The following KLHL32 variants were observed in gnomAD, a reference collection of about 807,000 sequenced individuals.
KLHL32 encodes kelch-like protein 32.
Under a neutral mutation model 64.8 loss-of-function variants are expected in KLHL32, and 35 were observed. The ratio of observed to expected loss-of-function variants is 0.54; its 90% CI spans 0.41 to 0.72. The LOEUF (loss-of-function observed/expected upper bound fraction) is 0.72, where lower values mean the gene tolerates loss of function less well. KLHL32 is among the 30% of genes least tolerant of loss of function. KLHL32 has a pLI of 0.00. For synonymous variants in KLHL32, 259 were observed against 281.0 expected (o/e 0.92, Z 0.78); for missense variants, 589 against 768.5 (o/e 0.77, Z 2.76).
intron 6 of KLHL32, among the ~76,000 whole-genome samples, chr6:97,107,772 TGATA>T (rs1386874801): frequency 1.3e-5 from 2 of 152,168 alleles, no homozygotes; most frequent in African/African-American, 2.4e-5. Flanking sequence ...CTGAAGCCTG[TGATA>T]GATAAATAAA....
At chr6:96,984,600 T>C (rs1776765812) in intron 3 of KLHL32, among the ~76,000 whole-genome samples, 1 of 152,260 alleles carries the variant, frequency 6.6e-6, no homozygotes, top group Non-Finnish European at 1.5e-5. Flanking sequence ...TTAGCTCTTC[T>C]TGTTGCATTG....
intron 7 of KLHL32, among the ~76,000 whole-genome samples, chr6:97,121,882 T>C (rs978288859): frequency 1.3e-5 from 2 of 152,164 alleles, no homozygotes; most frequent in Non-Finnish European, 1.5e-5. Context: ...AGAACTTAGC[T>C]GATGGTGGAA....
chr6:97,091,360 A>T (rs752698951), intron 6 of KLHL32, among the ~76,000 whole-genome samples: 7 of 152,184 alleles, frequency 4.6e-5, no homozygotes, highest in Non-Finnish European at 8.8e-5. Flanking sequence ...TAGATGACAT[A>T]TGCCTCATTC....
the KLHL32 span, among the ~76,000 whole-genome samples, chr6:96,912,839 T>C: frequency 2.2e-4 from 34 of 152,166 alleles, no homozygotes; most frequent in African/African-American, 2.4e-5. Flanking sequence ...TGCATTGTAA[T>C]TGCTGCTTAT....
At chr6:96,982,001 T>C (rs1001233605) in intron 3 of KLHL32, among the ~76,000 whole-genome samples, 1 of 152,180 alleles carries the variant, frequency 6.6e-6, no homozygotes, top group Non-Finnish European at 1.5e-5. Context: ...ATGTGCCATG[T>C]GCATATGATA....
At chr6:97,074,370 T>C (rs867973398) in intron 5 of KLHL32, among the ~76,000 whole-genome samples, 2 of 152,320 alleles carry the variant, frequency 1.3e-5, no homozygotes, top group Middle Eastern at 3.4e-3. Context: ...TTTTATCAAG[T>C]ACCTGACTGT....
At chr6:97,006,192 C>T (rs1779640327) in intron 3 of KLHL32, among the ~76,000 whole-genome samples, 1 of 152,124 alleles carries the variant, frequency 6.6e-6, no homozygotes, top group South Asian at 2.1e-4. Context: ...GGGTGCCCTT[C>T]TATTAGGTGC....
In KLHL32 at chr6:96,949,076, C is replaced by T. The variant is rs1251384126; in HGVS notation, c.-65-17920C>T. ...AACACCTGTTGACTCAATCACATCA[C>T]GATGTTTTGTGCATTTTAGCAGCCA... On this transcript the variant is annotated intron_variant, in intron 1 of 10. Coordinates refer to ENST00000369261, the MANE Select transcript of KLHL32 (RefSeq NM_052904.4). Among the ~76,000 whole-genome samples the T allele has an allele frequency of 3.3e-5, 5 of 152,130 alleles. No homozygotes were observed. The East Asian group carries it at 7.7e-4, about 23-fold the overall frequency.
At chr6:97,039,363 T>C (rs181912789) in intron 3 of KLHL32, among the ~76,000 whole-genome samples, 2 of 151,996 alleles carry the variant, frequency 1.3e-5, no homozygotes, top group East Asian at 3.9e-4. Flanking sequence ...TAGAGTAGAT[T>C]GGTGGTTACC....
chr6:96,945,341 C>G (rs186193002), intron 1 of KLHL32, among the ~76,000 whole-genome samples: 1 of 152,280 alleles, frequency 6.6e-6, no homozygotes, highest in Admixed American at 6.5e-5. Context: ...ACATCCAACT[C>G]CCTTAGAGCA....
chr6:97,140,318 T>TAA lies in KLHL32; in HGVS notation c.*1038_*1039dup, dbSNP rs1381627615. On this transcript the variant is annotated 3_prime_UTR_variant, in exon 11 of 11. Coordinates refer to ENST00000369261, the MANE Select transcript of KLHL32 (RefSeq NM_052904.4). ...TTTAGTTGTACTAATTATGGTACCATAAAGTGCTTTGACATAAATTTGAAC... is the reference window on the plus strand; with the variant it reads ...TTTAGTTGTACTAATTATGGTACCATAAAAAGTGCTTTGACATAAATTTGAAC... 1.3e-5 allele frequency: 2 copies of TAA among 152,132 alleles called. No individual in the cohort carries two copies. Among genetic ancestry groups the TAA allele is most frequent in the East Asian group, 1.9e-4 (1 of 5,198 alleles). The allele number at this position is 152,132 out of a possible 1,614,324, so 9.4% of individuals were successfully genotyped here.
chr6:97,017,500 G>C (rs911434966), intron 3 of KLHL32, among the ~76,000 whole-genome samples: 1 of 152,206 alleles, frequency 6.6e-6, no homozygotes, highest in Non-Finnish European at 1.5e-5. Flanking sequence ...ACAAAGGTGA[G>C]GAGTCAGGCA....
intron 3 of KLHL32, among the ~76,000 whole-genome samples, chr6:97,023,464 T>C (rs972547366): frequency 6.6e-6 from 1 of 152,236 alleles, no homozygotes; most frequent in Non-Finnish European, 1.5e-5. Context: ...TTTTTGTTTT[T>C]ATCCTTACAG....
the KLHL32 span, among the ~76,000 whole-genome samples, chr6:96,906,033 T>G: frequency 6.6e-6 from 1 of 152,148 alleles, no homozygotes; most frequent in Admixed American, 6.5e-5. Context: ...TTTTGTTAGC[T>G]TCTGTCTCCA....
chr6:97,027,920 A>G (rs1189001337), intron 3 of KLHL32, among the ~76,000 whole-genome samples: 1 of 152,208 alleles, frequency 6.6e-6, no homozygotes, highest in Non-Finnish European at 1.5e-5. Context: ...TTAAGCAGAA[A>G]AGAGAGTGAA....
intron 6 of KLHL32, among the ~76,000 whole-genome samples, chr6:97,108,981 C>T (rs1388397502): frequency 1.3e-5 from 2 of 152,184 alleles, no homozygotes; most frequent in Non-Finnish European, 1.5e-5. Context: ...CGTAGAGTAA[C>T]TAAATTCATG....
intron 6 of KLHL32, among the ~76,000 whole-genome samples, chr6:97,088,089 G>T (rs898314442): frequency 6.6e-6 from 1 of 152,038 alleles, no homozygotes; most frequent in East Asian, 1.9e-4. Flanking sequence ...CCCTTCCATG[G>T]TCTGAAATGA....
At chr6:97,129,149 G>A (rs571711492) in intron 8 of KLHL32, among the ~76,000 whole-genome samples, 1 of 152,168 alleles carries the variant, frequency 6.6e-6, no homozygotes, top group Non-Finnish European at 1.5e-5. Flanking sequence ...TTCTTTTCTT[G>A]AGTGTATCTT....
the KLHL32 span, among the ~76,000 whole-genome samples, chr6:96,907,023 T>C: frequency 1.3e-5 from 2 of 152,178 alleles, no homozygotes; most frequent in African/African-American, 4.8e-5. Flanking sequence ...AAAAAGATAA[T>C]TCATGTACCT....
Sources: gnomAD v4.1 joint callset for allele counts (sites outside exome capture counted in the v4.1 genomes callset) on GRCh38, gnomAD v4.1.1 for gene constraint, MANE v1.5 for transcripts, NCBI Gene and HGNC (gene_info 2026-07-23, HGNC 2026-07-21) for gene names.